The following JMY variants were observed in gnomAD, a reference collection of about 807,000 sequenced individuals.
JMY encodes junction mediating and regulatory protein, p53 cofactor, also known as junction-mediating and -regulatory protein.
In JMY, 46 loss-of-function variants were observed where a neutral mutation model predicts 103.3. The observed-to-expected ratio is 0.45, with a 90% CI of 0.35 to 0.57. The LOEUF (loss-of-function observed/expected upper bound fraction) is 0.57, where lower values mean the gene tolerates loss of function less well. JMY is among the 20% of genes least tolerant of loss of function. The pLI is 0.00. For missense variants in JMY, 1,238 were observed against 1,255.2 expected (o/e 0.99, Z 0.21); for synonymous variants, 526 against 489.3 (o/e 1.07, Z -0.99).
At chr5:79,317,235 C>A (rs995157857) in intron 10 of JMY, among the ~76,000 whole-genome samples, 3 of 152,024 alleles carry the variant, frequency 2.0e-5, no homozygotes, top group African/African-American at 7.3e-5. Context: ...AAAAAAACTA[C>A]TTATTGTCAC....
At chr5:79,283,223 A>G (rs968151255) in intron 2 of JMY, among the ~76,000 whole-genome samples, 27 of 151,938 alleles carry the variant, frequency 1.8e-4, no homozygotes, top group Non-Finnish European at 3.2e-4. Flanking sequence ...TCCCGACCTC[A>G]GGTGATCCAC....
At chr5:79,313,638 A>G (rs1747117433) in intron 8 of JMY, among the ~76,000 whole-genome samples, 1 of 152,216 alleles carries the variant, frequency 6.6e-6, no homozygotes, top group Non-Finnish European at 1.5e-5. Context: ...TACCAGTAGC[A>G]TTTATACATT....
chr5:79,271,593 C>T (rs1305119150), intron 1 of JMY, among the ~76,000 whole-genome samples: 1 of 152,126 alleles, frequency 6.6e-6, no homozygotes, highest in Non-Finnish European at 1.5e-5. Context: ...GTTGTTTCTA[C>T]TGAATTTTTT....
At chr5:79,304,397 C>T (rs1746822833) in intron 6 of JMY, among the ~76,000 whole-genome samples, 2 of 152,178 alleles carry the variant, frequency 1.3e-5, no homozygotes, top group Non-Finnish European at 2.9e-5. Flanking sequence ...CTTGGTTTCT[C>T]TGGCACTCAT....
At chr5:79,256,565 C>G (rs926017501) in intron 1 of JMY, among the ~76,000 whole-genome samples, 1 of 152,152 alleles carries the variant, frequency 6.6e-6, no homozygotes, top group African/African-American at 2.4e-5. Flanking sequence ...TCCTATTCCC[C>G]TTAGCTAACT....
rs1483658921 is a variant in JMY, at chr5:79,272,059, C to T, written c.1033-5851C>T. Among the ~76,000 whole-genome samples the T allele has an allele frequency of 1.1e-4, 16 of 150,662 alleles. No individual in the cohort carries two copies. The East Asian group carries it at 3.1e-3, about 29-fold the overall frequency. On this transcript the variant is annotated intron_variant, in intron 1 of 10. Transcript: ENST00000396137. Reference sequence around the variant, plus strand: ...CCCGGGAGGTGGAGGTTGCAGTGAGCTGAGATCACACCACTGCACTCCAGC... The same window carrying T: ...CCCGGGAGGTGGAGGTTGCAGTGAGTTGAGATCACACCACTGCACTCCAGC...
At chr5:79,309,495 T>G (rs1746983240) in intron 7 of JMY, among the ~76,000 whole-genome samples, 1 of 152,230 alleles carries the variant, frequency 6.6e-6, no homozygotes, top group Non-Finnish European at 1.5e-5. Flanking sequence ...AGATGTGTCT[T>G]AAATTAGTTA....
At chr5:79,291,905 A>G (rs965427478) in intron 4 of JMY, among the ~76,000 whole-genome samples, 3 of 152,238 alleles carry the variant, frequency 2.0e-5, no homozygotes, top group African/African-American at 7.2e-5. Flanking sequence ...GAGAAGAACA[A>G]ATCATCATCT....
chr5:79,277,244 C>T (rs1186349678), intron 1 of JMY, among the ~76,000 whole-genome samples: 1 of 151,970 alleles, frequency 6.6e-6, no homozygotes, highest in Non-Finnish European at 1.5e-5. Context: ...CAGTGCCTGA[C>T]ATGATTTTGA....
chr5:79,313,540 T>C (rs1279390403), intron 8 of JMY, among the ~76,000 whole-genome samples: 5 of 152,210 alleles, frequency 3.3e-5, no homozygotes, highest in Non-Finnish European at 5.9e-5. Context: ...ATATAGTTGA[T>C]GGAGCTTTTT....
chr5:79,289,227 G>A (rs1165760145), intron 2 of JMY, among the ~76,000 whole-genome samples: 5 of 133,360 alleles, frequency 3.7e-5, no homozygotes, highest in African/African-American at 8.9e-5. Context: ...AAAGCGAGAC[G>A]CCGTCTCAAA....
chr5:79,238,761 C>T (rs1215792081), intron 1 of JMY, among the ~76,000 whole-genome samples: 1 of 151,210 alleles, frequency 6.6e-6, no homozygotes, highest in East Asian at 2.0e-4. Flanking sequence ...GATTCTCCTG[C>T]CTCAGACTCC....
chr5:79,247,833 GTATTT>G (rs111777821), intron 1 of JMY, among the ~76,000 whole-genome samples: 1,901 of 147,368 alleles, frequency 0.013, 35 homozygotes, highest in African/African-American at 0.043. Context: ...TTGTATTTTT[GTATTT>G]TATTTTATTT....
At chr5:79,284,047 A>ACGTT in intron 2 of JMY, 2 of 828,208 alleles carry the variant, frequency 2.4e-6, no homozygotes, top group Non-Finnish European at 3.6e-6. Flanking sequence ...GGTACAAATT[A>ACGTT]CTTTCTTTTT....
At chr5:79,287,278 A>G (rs181761759) in intron 2 of JMY, among the ~76,000 whole-genome samples, 119 of 152,322 alleles carry the variant, frequency 7.8e-4, no homozygotes, top group African/African-American at 2.8e-3. Flanking sequence ...CCCTCTTCCA[A>G]ACTCTTCTAT....
At chr5:79,275,298 C>T (rs539726944) in intron 1 of JMY, among the ~76,000 whole-genome samples, 3 of 151,966 alleles carry the variant, frequency 2.0e-5, no homozygotes, top group Non-Finnish European at 4.4e-5. Flanking sequence ...GCAGCTGGGA[C>T]TACAGGTGCC....
intron 1 of JMY, among the ~76,000 whole-genome samples, chr5:79,264,320 T>C (rs905300803): frequency 6.6e-6 from 1 of 151,748 alleles, no homozygotes; most frequent in African/African-American, 2.4e-5. Flanking sequence ...CTCCTGGGCT[T>C]AAGCAATCCG....
chr5:79,246,512 G>A (rs1419835147), intron 1 of JMY, among the ~76,000 whole-genome samples: 1 of 152,126 alleles, frequency 6.6e-6, no homozygotes, highest in Non-Finnish European at 1.5e-5. Context: ...GTGATTTTGG[G>A]CAAGTTACCT....
intron 1 of JMY, among the ~76,000 whole-genome samples, chr5:79,262,224 C>T (rs2112067329): frequency 6.6e-6 from 1 of 152,340 alleles, no homozygotes; most frequent in Admixed American, 6.5e-5. Flanking sequence ...ATTTTAGGTG[C>T]ATCTGCTGCA....
Sources: gnomAD v4.1 joint callset for allele counts (sites outside exome capture counted in the v4.1 genomes callset) on GRCh38, gnomAD v4.1.1 for gene constraint, MANE v1.5 for transcripts, NCBI Gene and HGNC (gene_info 2026-07-23, HGNC 2026-07-21) for gene names.